Variants in COL28A1 observed in about 807,000 individuals in gnomAD.
COL28A1 encodes collagen type XXVIII alpha 1 chain, also known as collagen alpha-1(XXVIII) chain.
In COL28A1, 161 loss-of-function variants were observed where a neutral mutation model predicts 150.2. That is an observed-to-expected ratio of 1.07 (90% CI 0.94 to 1.22). The LOEUF (loss-of-function observed/expected upper bound fraction) is 1.22. Ranked by LOEUF, COL28A1 falls within the 50% of genes most tolerant of loss-of-function variation. The pLI, the probability that COL28A1 is intolerant of heterozygous loss-of-function variation, is 0.00. For missense variants in COL28A1, 1,617 were observed against 1,388.3 expected (o/e 1.16, Z -2.62); for synonymous variants, 552 against 469.7 (o/e 1.18, Z -2.26).
In COL28A1 at chr7:7,452,364, A is replaced by G. The variant is rs1280386677; in HGVS notation, c.1464T>C (p.Pro488=). 2 of 1,603,876 alleles carry G rather than the reference A, an allele frequency of 1.2e-6. No individual in the cohort carries two copies. The highest frequency in any genetic ancestry group is 1.3e-5 in the African/African-American group (1 of 74,156). The change falls in exon 18 of 35, where the codon CCT becomes CCC. Residue 488 remains proline (P), a synonymous_variant. Transcript: ENST00000399429. ...GSKGEVGQMG[P]TGPRGPVGIG... ...TTCCCACTGGTCCTCGAGGGCCTGT[A>G]GGTCCCATTTGGCCTACTTCTCCCT...
chr7:7,353,024 T>C (rs538103060), downstream of COL28A1, among the ~76,000 whole-genome samples: 10 of 152,274 alleles, frequency 6.6e-5, no homozygotes, highest in South Asian at 8.3e-4. Flanking sequence ...CTCTTCCAAA[T>C]GAATAGCTGT....
At chr7:7,351,093 C>T in the COL28A1 span, among the ~76,000 whole-genome samples, 686 of 152,108 alleles carry the variant, frequency 4.5e-3, 3 homozygotes, top group African/African-American at 0.015. Context: ...CTTTTATTGA[C>T]GTGGAAACCA....
At chr7:7,374,038 A>AAAAAAAAAAAATATATATATATATAT in intron 31 of COL28A1, among the ~76,000 whole-genome samples, 3 of 113,658 alleles carry the variant, frequency 2.6e-5, no homozygotes, top group African/African-American at 1.1e-4. Context: ...AAAAAAAAAA[A>AAAAAAAAAAAATATATATATATATAT]ATATATATAT....
At chr7:7,371,859 G>A (rs565771647) in intron 32 of COL28A1, among the ~76,000 whole-genome samples, 1 of 151,994 alleles carries the variant, frequency 6.6e-6, no homozygotes, top group Non-Finnish European at 1.5e-5. Context: ...TTGAGACAGA[G>A]TCTCGCTCTG....
chr7:7,532,791 G>C lies in COL28A1; in HGVS notation c.85C>G (p.Pro29Ala). ...TTCCTTGCAAGCAAATTTGATTTTG[G>C]TCCTTTCTTTCTTTGTCCGGATACT... ...QTVSGQRKKG[P>A]KSNLLARKSD... Residue 29 changes from proline to alanine, a missense_variant, in exon 2 of 35, where the codon CCA (proline) becomes GCA (alanine). By Grantham distance (27) the Pro-to-Ala change is conservative (BLOSUM62 -1). Coordinates refer to ENST00000399429, the MANE Select transcript of COL28A1 (RefSeq NM_001037763.3). 6.2e-7 allele frequency: 1 copy of C among 1,610,226 alleles called. No individual in the cohort carries two copies. Among genetic ancestry groups the C allele is most frequent in the Non-Finnish European group, 8.5e-7 (1 of 1,178,694 alleles).
chr7:7,539,580 T>C (rs1782750807), upstream of COL28A1, among the ~76,000 whole-genome samples: 1 of 152,150 alleles, frequency 6.6e-6, no homozygotes, highest in Admixed American at 6.5e-5. Flanking sequence ...ATTGGTCTTA[T>C]TTGTCAACAA....
intron 27 of COL28A1, among the ~76,000 whole-genome samples, chr7:7,392,356 T>A (rs560016270): frequency 2.0e-5 from 3 of 152,348 alleles, no homozygotes; most frequent in Admixed American, 6.5e-5. Flanking sequence ...GTTAGTCTGA[T>A]GTGCTTCCCT....
chr7:7,424,430 G>A (rs551651762), intron 25 of COL28A1, among the ~76,000 whole-genome samples: 6 of 152,148 alleles, frequency 3.9e-5, no homozygotes, highest in Non-Finnish European at 5.9e-5. Context: ...AGGCAGCACC[G>A]TAGGTACCTA....
intron 11 of COL28A1, among the ~76,000 whole-genome samples, chr7:7,503,355 C>T (rs1195813592): frequency 6.6e-6 from 1 of 152,178 alleles, no homozygotes; most frequent in Non-Finnish European, 1.5e-5. Flanking sequence ...GCACTTAAAA[C>T]TTTACTTATA....
chr7:7,520,004 A>T (rs1781626371), intron 6 of COL28A1, 58 bp downstream of exon 6: 1 of 743,890 alleles, frequency 1.3e-6, no homozygotes, highest in Non-Finnish European at 2.2e-6. Flanking sequence ...TTGTTGTTTT[A>T]AAAAAAAAGT....
At chr7:7,515,437 G>A (rs1781364467) in intron 8 of COL28A1, among the ~76,000 whole-genome samples, 1 of 152,198 alleles carries the variant, frequency 6.6e-6, no homozygotes, top group African/African-American at 2.4e-5. Context: ...AGAGGATTTG[G>A]TGTCTAGGTT....
chr7:7,462,362 G>C (rs1440353120), intron 15 of COL28A1, among the ~76,000 whole-genome samples: 6 of 152,138 alleles, frequency 3.9e-5, no homozygotes, highest in Non-Finnish European at 8.8e-5. Flanking sequence ...ACCAGCAATA[G>C]ATCCAAACAA....
chr7:7,373,920 C>T lies in COL28A1; in HGVS notation c.2360-374G>A, dbSNP rs1028506759. ...TTCACCGTGTTAGCCAAGATGGTCT[C>T]GATCTCCTGACCTCGTGATATGCCC... On this transcript the variant is annotated intron_variant, in intron 31 of 34. Transcript: ENST00000399429. The surrounding 1 kb of genome is among the most constrained non-coding windows in gnomAD (Gnocchi z 4.1). Among the ~76,000 whole-genome samples, 14 of 150,746 alleles carry T rather than the reference C, an allele frequency of 9.3e-5. No homozygotes were observed. The highest frequency in any genetic ancestry group is 1.9e-4 in the African/African-American group (8 of 41,068).
At chr7:7,384,347 T>C (rs116414371) in intron 27 of COL28A1, among the ~76,000 whole-genome samples, 3,517 of 152,276 alleles carry the variant, frequency 0.023, 135 homozygotes, top group African/African-American at 0.08. Context: ...GTAGGGATGA[T>C]TGGTCTTCTT....
intron 32 of COL28A1, among the ~76,000 whole-genome samples, chr7:7,371,502 G>A (rs1426496999): frequency 2.0e-5 from 3 of 152,318 alleles, no homozygotes; most frequent in Non-Finnish European, 4.4e-5. Context: ...GCTGGTACAC[G>A]GCATAGGCAG....
At chr7:7,450,661 C>T (rs1187673959) in intron 18 of COL28A1, among the ~76,000 whole-genome samples, 1 of 152,156 alleles carries the variant, frequency 6.6e-6, no homozygotes, top group Non-Finnish European at 1.5e-5. Context: ...CCCATTCTAC[C>T]TCTAACTGTC....
At chr7:7,440,108 G>A (rs1785652884) in intron 21 of COL28A1, among the ~76,000 whole-genome samples, 1 of 152,106 alleles carries the variant, frequency 6.6e-6, no homozygotes, top group Admixed American at 6.6e-5. Flanking sequence ...GCTAAGTCAG[G>A]ACACATACTT....
intron 27 of COL28A1, among the ~76,000 whole-genome samples, chr7:7,394,126 T>C (rs897863818): frequency 6.6e-6 from 1 of 152,190 alleles, no homozygotes; most frequent in African/African-American, 2.4e-5. Flanking sequence ...GCATAGTATC[T>C]GGACCAGAGT....
chr7:7,438,410 G>A (rs1785507999), intron 21 of COL28A1, among the ~76,000 whole-genome samples: 2 of 119,726 alleles, frequency 1.7e-5, no homozygotes, highest in South Asian at 4.9e-4. Context: ...GTGATTCTCA[G>A]ATTTTAGAAG....
Sources: allele counts gnomAD v4.1 joint callset (sites outside exome capture counted in the v4.1 genomes callset), GRCh38; gene constraint gnomAD v4.1.1; non-coding constraint Gnocchi (gnomAD v3.1); transcripts MANE v1.5; gene names NCBI Gene and HGNC (gene_info 2026-07-23, HGNC 2026-07-21).